Variants in UBE2U observed in about 807,000 individuals in gnomAD.
The protein encoded by UBE2U is ubiquitin conjugating enzyme E2 U, also known as ubiquitin-conjugating enzyme E2 U.
UBE2U carries 39 observed loss-of-function variants against 41.2 expected under a neutral mutation model. The observed-to-expected ratio is 0.95, with a 90% CI of 0.73 to 1.24. UBE2U has a LOEUF of 1.24. Ranked by LOEUF, UBE2U falls within the 50% of genes most tolerant of loss-of-function variation. UBE2U has a pLI of 0.00. For missense variants in UBE2U, 336 were observed against 363.1 expected, an observed-to-expected ratio of 0.93 and a Z score of 0.61; for synonymous variants, 107 against 117.8, an observed-to-expected ratio of 0.91 and a Z score of 0.60.
rs564850571 is a variant in UBE2U, at chr1:64,267,192, A to G, written c.938A>G (p.Asn313Ser). 7.2e-6 allele frequency: 11 copies of G among 1,529,674 alleles called. No individual in the cohort carries two copies. The highest frequency in any genetic ancestry group is 2.2e-5 in the Admixed American group (1 of 45,484). The allele number at this position is 1,529,674 out of a possible 1,614,324, so 94.8% of individuals were successfully genotyped here. Reference protein sequence around the residue: ...LISWTNTLNTNTSED With the variant: ...LISWTNTLNTSTSED ...TCCTGGACCAATACTCTCAATACAA[A>G]TACTTCAGAAGATTAAGCAGAACAT... Residue 313 changes from asparagine (N) to serine (S), a missense_variant, in exon 10 of 10, where the codon AAT becomes AGT. Transcript: ENST00000371077.
At chr1:64,249,148 G>A (rs1449190451) in intron 8 of UBE2U, among the ~76,000 whole-genome samples, 3 of 151,896 alleles carry the variant, frequency 2.0e-5, no homozygotes, top group Non-Finnish European at 4.4e-5. Flanking sequence ...AGGACAAGGC[G>A]GACAGATCAC....
intron 8 of UBE2U, among the ~76,000 whole-genome samples, chr1:64,250,624 T>C (rs1390580035): frequency 6.6e-6 from 1 of 152,206 alleles, no homozygotes; most frequent in South Asian, 2.1e-4. Flanking sequence ...ATATGTTTAG[T>C]GTGGCACTAT....
At position 64,267,267 on chromosome 1, in the gene UBE2U, G is replaced by A; in HGVS notation, c.*59G>A. 2.2e-6 allele frequency: 3 copies of A among 1,354,508 alleles called. No homozygotes were observed. Among genetic ancestry groups the A allele is most frequent in the Non-Finnish European group, 2.9e-6 (3 of 1,037,060 alleles). 83.9% of individuals were successfully genotyped at this position (1,354,508 alleles called of 1,614,324 possible). ...CTCCGCCATAGCCCAGCGTTGTGGAGCAATTTTGGAAGACTCTCAGAACTT... is the reference window on the plus strand; with the variant it reads ...CTCCGCCATAGCCCAGCGTTGTGGAACAATTTTGGAAGACTCTCAGAACTT... On this transcript the variant is annotated 3_prime_UTR_variant, in exon 10 of 10. Transcript: ENST00000371077.
In UBE2U at chr1:64,206,865, T is replaced by A. The variant is rs760499856; in HGVS notation, c.241+9T>A. On this transcript the variant is annotated intron_variant, in intron 3 of 9. Coordinates refer to ENST00000371077, the MANE Select transcript of UBE2U (RefSeq NM_001366232.2). ...TCCGTTTCATCCAAATGGTAAGAAC[T>A]AAATGACATTTTTATCATTAGAGGC... is the stretch of plus-strand genomic sequence containing the variant. 50 of 1,503,926 alleles carry A rather than the reference T, an allele frequency of 3.3e-5. No individual in the cohort carries two copies. Among genetic ancestry groups the A allele is most frequent in the Admixed American group, 8.6e-5 (5 of 58,150 alleles). 93.2% of individuals were successfully genotyped at this position (1,503,926 alleles called of 1,614,324 possible).
chr1:64,246,641 GC>G (rs1644926418), intron 8 of UBE2U, among the ~76,000 whole-genome samples: 1 of 152,084 alleles, frequency 6.6e-6, no homozygotes, highest in Non-Finnish European at 1.5e-5. Flanking sequence ...AATGACTTTT[GC>G]CAAGCAACTA....
chr1:64,233,980 T>C (rs1644619613), intron 7 of UBE2U, among the ~76,000 whole-genome samples: 1 of 152,180 alleles, frequency 6.6e-6, no homozygotes, highest in African/African-American at 2.4e-5. Context: ...TCATCTCCCT[T>C]CCTAAGCACA....
chr1:64,254,114 C>T (rs921020561), intron 8 of UBE2U, among the ~76,000 whole-genome samples: 1 of 152,044 alleles, frequency 6.6e-6, no homozygotes, highest in African/African-American at 2.4e-5. Flanking sequence ...GGTTGCAATC[C>T]TAGTTTCTGA....
chr1:64,256,875 A>C (rs1448819023), intron 8 of UBE2U, among the ~76,000 whole-genome samples: 1 of 150,832 alleles, frequency 6.6e-6, no homozygotes, highest in Non-Finnish European at 1.5e-5. Context: ...TCTGATGTCT[A>C]TCCAGCATCT....
At chr1:64,204,202 A>G in intron 1 of UBE2U, 86 bp downstream of exon 1, 2 of 1,284,642 alleles carry the variant, frequency 1.6e-6, no homozygotes, top group Non-Finnish European at 2.2e-6. Flanking sequence ...TATAAGTAGT[A>G]ATTTAGTTAA....
chr1:64,234,148 A>G (rs907871000), intron 7 of UBE2U, among the ~76,000 whole-genome samples: 1 of 152,196 alleles, frequency 6.6e-6, no homozygotes, highest in African/African-American at 2.4e-5. Context: ...TTTTCCATGC[A>G]TATTTATAAC....
At chr1:64,228,707 T>TA (rs1468978379) in intron 6 of UBE2U, among the ~76,000 whole-genome samples, 1 of 92,626 alleles carries the variant, frequency 1.1e-5, no homozygotes, top group Non-Finnish European at 2.0e-5. Flanking sequence ...TTTTTTTTTT[T>TA]AAGACAGAGT....
intron 2 of UBE2U, among the ~76,000 whole-genome samples, chr1:64,206,070 G>T (rs1057044619): frequency 6.6e-6 from 1 of 151,988 alleles, no homozygotes; most frequent in African/African-American, 2.4e-5. Flanking sequence ...ATTCCTATTG[G>T]CTTCAAAACC....
intron 9 of UBE2U, among the ~76,000 whole-genome samples, chr1:64,260,925 A>ACT (rs1487585060): frequency 6.6e-6 from 1 of 152,304 alleles, no homozygotes; most frequent in Non-Finnish European, 1.5e-5. Flanking sequence ...TTTCAAGCTT[A>ACT]CTACCCTTTA....
intron 8 of UBE2U, among the ~76,000 whole-genome samples, chr1:64,247,911 T>TGCCTCCTCTCTC (rs922187041): frequency 2.0e-5 from 3 of 150,486 alleles, no homozygotes; most frequent in Admixed American, 1.3e-4. Context: ...CTCCCTCTCT[T>TGCCTCCTCTCTC]GCCTCCTCTC....
At chr1:64,229,682 G>T (rs185273844) in intron 6 of UBE2U, among the ~76,000 whole-genome samples, 1 of 152,174 alleles carries the variant, frequency 6.6e-6, no homozygotes, top group Non-Finnish European at 1.5e-5. Context: ...TTAGGCTTTC[G>T]TTGTGGCTGG....
chr1:64,203,751 T>TGGTCGCCG lies in UBE2U; in HGVS notation c.-300_-299insGGTCGCCG. 6.7e-6 allele frequency: 2 copies of TGGTCGCCG among 299,922 alleles called. No homozygotes were observed. The highest frequency in any genetic ancestry group is 5.0e-5 in the Admixed American group (1 of 20,000). The allele number at this position is 299,922 out of a possible 1,614,324, so 18.6% of individuals were successfully genotyped here. Reference sequence around the variant, plus strand: ...CGCCGACGACATGGGCTTGTCTCCGTTACTCATCCAAGTTTGTCTTGAGAC... The same window carrying TGGTCGCCG: ...CGCCGACGACATGGGCTTGTCTCCGTGGTCGCCGTACTCATCCAAGTTTGTCTTGAGAC... On this transcript the variant is annotated 5_prime_UTR_variant, in exon 1 of 10. An upstream open reading frame in the 5' UTR loses its in-frame stop. Coordinates refer to ENST00000371077, the MANE Select transcript of UBE2U (RefSeq NM_001366232.2).
At chr1:64,251,179 AAT>A (rs546093574) in intron 8 of UBE2U, among the ~76,000 whole-genome samples, 1 of 150,722 alleles carries the variant, frequency 6.6e-6, no homozygotes, top group African/African-American at 2.4e-5. Context: ...ATTTAATCTA[AAT>A]ATATATATAA....
chr1:64,203,727 G>A lies in UBE2U; in HGVS notation c.-324G>A, dbSNP rs534572216. The A allele has an allele frequency of 5.4e-5, 13 of 239,422 alleles. No individual in the cohort carries two copies. Among genetic ancestry groups the A allele is most frequent in the Non-Finnish European group, 1.0e-4 (13 of 124,808 alleles). The allele number at this position is 239,422 out of a possible 1,614,324, so 14.8% of individuals were successfully genotyped here. ...GTACACCTCTCACTCCCACTCACGC[G>A]CCGACGACATGGGCTTGTCTCCGTT... On this transcript the variant is annotated 5_prime_UTR_variant, in exon 1 of 10. Transcript: ENST00000371077.
intron 8 of UBE2U, among the ~76,000 whole-genome samples, chr1:64,243,033 C>T (rs1644861577): frequency 6.6e-6 from 1 of 152,110 alleles, no homozygotes; most frequent in Non-Finnish European, 1.5e-5. Flanking sequence ...TCAATTTATC[C>T]ATCCACTTCT....
Sources: allele counts gnomAD v4.1 joint callset (sites outside exome capture counted in the v4.1 genomes callset), GRCh38; gene constraint gnomAD v4.1.1; transcripts MANE v1.5; gene names NCBI Gene and HGNC (gene_info 2026-07-23, HGNC 2026-07-21).